ARHGAP32: variants seen among roughly 807,000 people sequenced by gnomAD.
The protein encoded by ARHGAP32 is rho GTPase-activating protein 32.
Under a neutral mutation model 186.5 loss-of-function variants are expected in ARHGAP32, and 51 were observed. The observed-to-expected ratio is 0.27, with a 90% CI of 0.22 to 0.35. The LOEUF is 0.35. Ranked by LOEUF, ARHGAP32 falls within the 10% of genes least tolerant of loss-of-function variation. ARHGAP32 has a pLI of 1.00. For missense variants in ARHGAP32, 2,186 were observed against 2,623.5 expected, an observed-to-expected ratio of 0.83 and a Z score of 3.64; for synonymous variants, 950 against 964.3, an observed-to-expected ratio of 0.99 and a Z score of 0.27.
At chr11:129,182,307 T>G (rs577889126) in intron 1 of ARHGAP32, among the ~76,000 whole-genome samples, 1 of 152,198 alleles carries the variant, frequency 6.6e-6, no homozygotes, top group South Asian at 2.1e-4. Context: ...AAAAAAATAT[T>G]TTTATATATT....
At chr11:128,975,059 G>C in intron 20 of ARHGAP32, 57 bp from the exon 21 acceptor site, 1 of 1,436,610 alleles carries the variant, frequency 7.0e-7, no homozygotes, top group Non-Finnish European at 9.5e-7. Flanking sequence ...AGAATGCTGT[G>C]GTAAGTCACC....
chr11:129,209,383 A>C (rs182328584), intron 1 of ARHGAP32, among the ~76,000 whole-genome samples: 1 of 152,142 alleles, frequency 6.6e-6, no homozygotes, highest in East Asian at 1.9e-4. Flanking sequence ...AATAACAAGA[A>C]GACGGACAAA....
intron 1 of ARHGAP32, among the ~76,000 whole-genome samples, chr11:129,226,723 G>GA (rs1300212346): frequency 6.6e-6 from 1 of 151,634 alleles, no homozygotes; most frequent in Non-Finnish European, 1.5e-5. Flanking sequence ...GGTTAAAAAA[G>GA]AAAAAAACAT....
intron 1 of ARHGAP32, among the ~76,000 whole-genome samples, chr11:129,179,058 A>G (rs2135526657): frequency 6.6e-6 from 1 of 151,724 alleles, no homozygotes; most frequent in East Asian, 1.9e-4. Context: ...ACAAAGGGCT[A>G]ATATCCAGAA....
Position 129,104,150 on chromosome 11 carries a change from C to T in ARHGAP32, c.445-10443G>A, listed in dbSNP as rs7118778. ...TGAACAAAAACTGAAGAGTTCCCAC[C>T]AACAAAACCTCACCAAAAAAAATTT... On this transcript the variant is annotated intron_variant, in intron 5 of 22. Coordinates refer to ENST00000682385, the MANE Select transcript of ARHGAP32 (RefSeq NM_001378024.1). Among the ~76,000 whole-genome samples, 3 of 151,806 alleles carry T rather than the reference C, an allele frequency of 2.0e-5. No individual in the cohort carries two copies. In the East Asian group the frequency reaches 5.8e-4, roughly 29 times the overall value.
intron 20 of ARHGAP32, among the ~76,000 whole-genome samples, chr11:128,976,238 T>A (rs1414549294): frequency 6.6e-6 from 1 of 152,120 alleles, no homozygotes; most frequent in East Asian, 1.9e-4. Flanking sequence ...AAAACTCTTA[T>A]GCTCCCATTG....
intron 19 of ARHGAP32, among the ~76,000 whole-genome samples, chr11:128,978,006 T>C (rs1046128550): frequency 3.3e-5 from 5 of 151,918 alleles, no homozygotes; most frequent in South Asian, 2.1e-4. Context: ...TGTAAGCCAC[T>C]GTACCTAGCC....
intron 1 of ARHGAP32, among the ~76,000 whole-genome samples, chr11:129,232,923 C>T (rs186029529): frequency 1.8e-4 from 28 of 152,258 alleles, no homozygotes; most frequent in African/African-American, 6.3e-4. Context: ...AAGGGTCAGG[C>T]CTGCATAGAT....
chr11:129,048,931 G>C (rs947790553), intron 10 of ARHGAP32, among the ~76,000 whole-genome samples: 3 of 151,896 alleles, frequency 2.0e-5, no homozygotes. Context: ...GTACTAAGAG[G>C]GGAAATAATA....
chr11:129,020,277 A>G (rs1440351281), intron 11 of ARHGAP32, among the ~76,000 whole-genome samples: 1 of 152,126 alleles, frequency 6.6e-6, no homozygotes, highest in Non-Finnish European at 1.5e-5. Flanking sequence ...GTTATTAAGC[A>G]TATTAGGTTT....
chr11:129,029,967 A>T (rs968965688), intron 11 of ARHGAP32, among the ~76,000 whole-genome samples: 2 of 152,186 alleles, frequency 1.3e-5, no homozygotes, highest in Non-Finnish European at 2.9e-5. Context: ...ACATGGTATT[A>T]TAAATTTTCT....
chr11:128,974,353 T>G lies in ARHGAP32; in HGVS notation c.2844A>C (p.Ala948=). 1 of 1,614,246 alleles carries G rather than the reference T, an allele frequency of 6.2e-7. No individual in the cohort carries two copies. The highest frequency in any genetic ancestry group is 8.5e-7 in the Non-Finnish European group (1 of 1,180,036). Residue 948 remains alanine (A), a synonymous_variant, in exon 21 of 23, where the codon GCA becomes GCC. Coordinates refer to ENST00000682385, the MANE Select transcript of ARHGAP32 (RefSeq NM_001378024.1). ...CGCATTTGTCCCAGGTTGAAGATGA[T>G]GCATTCTGAGCTGTGGTATTTGAGA... The part of the protein sequence containing the change: ...GTVSNTTAQN[A]SSSTWDKCVE...
intron 6 of ARHGAP32, among the ~76,000 whole-genome samples, chr11:129,072,288 C>T (rs191672671): frequency 6.6e-6 from 1 of 152,188 alleles, no homozygotes; most frequent in African/African-American, 2.4e-5. Flanking sequence ...GCCAGCTCAA[C>T]TTCTAGTTCA....
At chr11:129,097,992 G>GAA (rs1470579556) in intron 5 of ARHGAP32, among the ~76,000 whole-genome samples, 14 of 152,078 alleles carry the variant, frequency 9.2e-5, no homozygotes, top group African/African-American at 3.4e-4. Flanking sequence ...AAACTTTAAA[G>GAA]GTCAAAAAAC....
chr11:129,265,588 G>A (rs1209335764), intron 1 of ARHGAP32, among the ~76,000 whole-genome samples: 1 of 152,094 alleles, frequency 6.6e-6, no homozygotes, highest in African/African-American at 2.4e-5. Flanking sequence ...GAGTAAACCT[G>A]ATCAAGTGAC....
intron 12 of ARHGAP32, among the ~76,000 whole-genome samples, chr11:128,992,560 T>C (rs745926460): frequency 1.7e-4 from 26 of 151,940 alleles, no homozygotes; most frequent in Non-Finnish European, 3.7e-4. Flanking sequence ...GTAGATCACC[T>C]GAGGTCAGGA....
At chr11:129,244,226 C>T (rs1945056519) in intron 1 of ARHGAP32, among the ~76,000 whole-genome samples, 1 of 151,966 alleles carries the variant, frequency 6.6e-6, no homozygotes, top group African/African-American at 2.4e-5. Flanking sequence ...GAGTGAGAAC[C>T]CTGTCTCAGA....
At chr11:129,052,617 T>G (rs958466091) in intron 10 of ARHGAP32, among the ~76,000 whole-genome samples, 4 of 152,042 alleles carry the variant, frequency 2.6e-5, no homozygotes, top group African/African-American at 9.7e-5. Context: ...TTTTTTTTTT[T>G]CAGATACAGT....
intron 12 of ARHGAP32, among the ~76,000 whole-genome samples, chr11:128,988,588 T>C (rs1945947316): frequency 6.6e-6 from 1 of 152,230 alleles, no homozygotes; most frequent in African/African-American, 2.4e-5. Flanking sequence ...CTACAAAGTT[T>C]TGCTTCTAGA....
Sources: gnomAD v4.1 joint callset for allele counts (sites outside exome capture counted in the v4.1 genomes callset) on GRCh38, gnomAD v4.1.1 for gene constraint, MANE v1.5 for transcripts, NCBI Gene and HGNC (gene_info 2026-07-23, HGNC 2026-07-21) for gene names.